Variants in CHAMP1 observed in about 807,000 individuals in gnomAD.
The protein encoded by CHAMP1 is chromosome alignment maintaining phosphoprotein 1.
CHAMP1 carries 4 observed loss-of-function variants against 54.5 expected under a neutral mutation model. The observed-to-expected ratio is 0.07, with a 90% CI of 0.04 to 0.17. The LOEUF is 0.17. Ranked by LOEUF, CHAMP1 falls within the 10% of genes least tolerant of loss-of-function variation. CHAMP1 has a pLI of 1.00. For missense variants in CHAMP1, 994 were observed against 968.6 expected (o/e 1.03, Z -0.35); for synonymous variants, 368 against 342.2 (o/e 1.08, Z -0.83).
rs1424987843 is a variant in CHAMP1, at chr13:114,326,441, T to C, written c.*160T>C. On this transcript the variant is annotated 3_prime_UTR_variant, in exon 3 of 3. Transcript: ENST00000361283. ...ACTAAGAATGAGCATTTGATCATTT[T>C]TTTCTGGTCTCTGTCTATGTGACTA... is the stretch of plus-strand genomic sequence containing the variant. 10 of 804,364 alleles carry C rather than the reference T, an allele frequency of 1.2e-5. No individual in the cohort carries two copies. The Admixed American group carries it at 3.6e-4, about 29-fold the overall frequency. 49.8% of individuals were successfully genotyped at this position (804,364 alleles called of 1,614,324 possible). A position where few individuals can be genotyped will look rare whatever the true frequency, so the allele number is the denominator to read the frequency against.
rs534083327 is a variant in CHAMP1 at position 114,319,951 on chromosome 13, CA to C, written c.-178-1158del. 8.5e-5 allele frequency among the ~76,000 whole-genome samples: 13 copies of C among 152,274 alleles called. No individual in the cohort carries two copies. In the East Asian group the frequency reaches 2.1e-3, roughly 25 times the overall value. ...CCAGACTGTGAAGAGCTTTATATGC[CA>C]TATTCAAATTGTATACTGTAGGTGT... is the stretch of plus-strand genomic sequence containing the variant. On this transcript the variant is annotated intron_variant, in intron 1 of 2. Transcript: ENST00000361283.
chr13:114,319,605 AAG>A (rs1045843088), intron 1 of CHAMP1, among the ~76,000 whole-genome samples: 2 of 152,236 alleles, frequency 1.3e-5, no homozygotes, highest in Non-Finnish European at 2.9e-5. Flanking sequence ...GCCAATAAAA[AAG>A]AGCGTTTACA....
intron 1 of CHAMP1, 127 bp from the exon 2 acceptor site, chr13:114,320,983 T>C (rs1438949549): frequency 6.7e-6 from 1 of 148,692 alleles, no homozygotes; most frequent in East Asian, 1.9e-4. Context: ...GCAGGCTTAG[T>C]GGACTGGACT....
Position 114,324,173 on chromosome 13 carries a change from C to T in CHAMP1, c.331C>T (p.Leu111Phe). The T allele has an allele frequency of 6.2e-7, 1 of 1,614,186 alleles. No homozygotes were observed. Among genetic ancestry groups the T allele is most frequent in the East Asian group, 2.2e-5 (1 of 44,894 alleles). ...KETDPVKSPPLPEHQKIPCNS... is the reference protein window; with the variant it reads ...KETDPVKSPPFPEHQKIPCNS... ...AACAGATCCTGTGAAAAGCCCTCCTCTTCCTGAACACCAGAAAATACCCTG... is the reference window on the plus strand; with the variant it reads ...AACAGATCCTGTGAAAAGCCCTCCTTTTCCTGAACACCAGAAAATACCCTG... The change falls in exon 3 of 3, where the codon CTT becomes TTT. Residue 111 changes from leucine to phenylalanine, a missense_variant. Physicochemically the swap from Leu to Phe is conservative, Grantham distance 22. Coordinates refer to ENST00000361283, the MANE Select transcript of CHAMP1 (RefSeq NM_032436.4).
intron 1 of CHAMP1, among the ~76,000 whole-genome samples, chr13:114,316,267 G>A (rs542379771): frequency 1.3e-5 from 2 of 149,706 alleles, no homozygotes; most frequent in South Asian, 2.1e-4. Context: ...GGATTTAAGC[G>A]ATTCTCCTGC....
chr13:114,315,256 A>T (rs1416620755), intron 1 of CHAMP1, among the ~76,000 whole-genome samples: 1 of 145,102 alleles, frequency 6.9e-6, no homozygotes, highest in Non-Finnish European at 1.5e-5. Context: ...GGTGGCTATT[A>T]AAAAAAAGGG....
chr13:114,324,217 A>G lies in CHAMP1; in HGVS notation c.375A>G (p.Lys125=). The change falls in exon 3 of 3, where the codon AAA becomes AAG. Residue 125 remains lysine, a synonymous_variant. Coordinates refer to ENST00000361283, the MANE Select transcript of CHAMP1 (RefSeq NM_032436.4). Reference sequence around the variant, plus strand: ...TACCCTGCAATTCAGCAGAACCAAAATCCATACCTGCCCTTTCAATGGAAA... The same window carrying G: ...TACCCTGCAATTCAGCAGAACCAAAGTCCATACCTGCCCTTTCAATGGAAA... ...QKIPCNSAEP[K]SIPALSMETQ... The G allele has an allele frequency of 6.2e-7, 1 of 1,614,064 alleles. No homozygotes were observed.
At chr13:114,319,222 T>C (rs919090204) in intron 1 of CHAMP1, among the ~76,000 whole-genome samples, 1 of 152,174 alleles carries the variant, frequency 6.6e-6, no homozygotes, top group African/African-American at 2.4e-5. Context: ...CAAGCTTGAG[T>C]TTCCTTAACT....
Position 114,325,842 on chromosome 13 carries a change from A to G in CHAMP1, c.2000A>G (p.Lys667Arg). Reference protein sequence around the residue: ...QVDVESIDFSKENKMDMTSPE... With the variant: ...QVDVESIDFSRENKMDMTSPE... The stretch of plus-strand genomic sequence containing the variant: ...GATGTGGAATCCATTGATTTTAGCA[A>G]AGAGAACAAAATGGACATGACTAGT... Residue 667 changes from lysine to arginine, a missense_variant, in exon 3 of 3, where the codon AAA (lysine) becomes AGA (arginine). Physicochemically the swap from Lys to Arg is conservative, Grantham distance 26 (BLOSUM62 2). Transcript: ENST00000361283. 1 of 1,614,186 alleles carries G rather than the reference A, an allele frequency of 6.2e-7. No individual in the cohort carries two copies. Among genetic ancestry groups the G allele is most frequent in the Non-Finnish European group, 8.5e-7 (1 of 1,180,020 alleles).
In CHAMP1 at chr13:114,325,471, A is replaced by G. The variant is rs566990403; in HGVS notation, c.1629A>G (p.Pro543=). The change falls in exon 3 of 3, where the codon CCA becomes CCG. Residue 543 remains proline (P), a synonymous_variant. Coordinates refer to ENST00000361283, the MANE Select transcript of CHAMP1 (RefSeq NM_032436.4). ...EPAKTAPPAS[P]EARKRALFPE... ...CCAAAACAGCCCCTCCTGCTTCTCCAGAAGCACGCAAACGTGCCCTTTTTC... is the reference window on the plus strand; with the variant it reads ...CCAAAACAGCCCCTCCTGCTTCTCCGGAAGCACGCAAACGTGCCCTTTTTC... 16 of 1,614,126 alleles carry G rather than the reference A, an allele frequency of 9.9e-6. No homozygotes were observed. The East Asian group carries it at 1.1e-4, about 11-fold the overall frequency.
At position 114,325,909 on chromosome 13, in the gene CHAMP1, A is replaced by G. The variant is rs549128164; in HGVS notation, c.2067A>G (p.Lys689=). The change falls in exon 3 of 3, where the codon AAA becomes AAG. Residue 689 remains lysine, a synonymous_variant. Coordinates refer to ENST00000361283, the MANE Select transcript of CHAMP1 (RefSeq NM_032436.4). ...ATGTGCTACAGTTTACTGAAGAAAA[A>G]GAAGCTTTTATCTCTGAAGAGGAGA... ...SRNVLQFTEE[K]EAFISEEEIA... 4.3e-6 allele frequency: 7 copies of G among 1,613,948 alleles called. No individual in the cohort carries two copies. In the South Asian group the frequency reaches 6.6e-5, roughly 15 times the overall value.
chr13:114,323,876 G>A lies in CHAMP1; in HGVS notation c.34G>A (p.Ala12Thr), dbSNP rs374161591. 6.2e-6 allele frequency: 10 copies of A among 1,609,410 alleles called. No homozygotes were observed. Among genetic ancestry groups the A allele is most frequent in the Non-Finnish European group, 8.5e-6 (10 of 1,176,602 alleles). ...EAFQELRKPSARLECDHCSFR... is the reference protein window; with the variant it reads ...EAFQELRKPSTRLECDHCSFR... ...ATTCCAGGAACTTCGTAAACCATCA[G>A]CACGTTTGGAGTGTGACCATTGCAG... Residue 12 changes from alanine (A) to threonine (T), a missense_variant, in exon 3 of 3, where the codon GCA becomes ACA. Ala to Thr is a moderately conservative substitution (Grantham distance 58). Transcript: ENST00000361283.
In CHAMP1 at chr13:114,314,507, A is replaced by T. The variant is rs11843254; in HGVS notation, c.-315A>T. ...CCCGCGGGAGCGCGCACGCTCGCGC[A>T]CCCGGATCCCGGCTCCTGCATCCAG... On this transcript the variant is annotated 5_prime_UTR_variant, in exon 1 of 3. Coordinates refer to ENST00000361283, the MANE Select transcript of CHAMP1 (RefSeq NM_032436.4). 2.1e-3 allele frequency: 314 copies of T among 151,778 alleles called. 2 individuals carry two copies. Among genetic ancestry groups the T allele is most frequent in the African/African-American group, 7.0e-3 (291 of 41,452 alleles). 9.4% of individuals were successfully genotyped at this position (151,778 alleles called of 1,614,324 possible).
intron 1 of CHAMP1, among the ~76,000 whole-genome samples, chr13:114,316,502 A>G (rs941265281): frequency 2.0e-5 from 3 of 151,346 alleles, no homozygotes; most frequent in African/African-American, 7.3e-5. Context: ...AGGCAGGAGA[A>G]TCGCTTGAAC....
At position 114,325,328 on chromosome 13, in the gene CHAMP1, A is replaced by C. The variant is rs782623150; in HGVS notation, c.1486A>C (p.Thr496Pro). The change falls in exon 3 of 3, where the codon ACC becomes CCC. Residue 496 changes from threonine (T) to proline (P), a missense_variant. Around this residue, in one of 3 missense-constraint regions of CHAMP1, gnomAD observed 851 missense variants for 701.3 expected, o/e 1.21. Transcript: ENST00000361283. ...IEPQKPVFPETRKPGPSGPSE... is the reference protein window; with the variant it reads ...IEPQKPVFPEPRKPGPSGPSE... ...GCCTCAGAAACCTGTCTTCCCTGAG[A>C]CCCGAAAACCAGGTCCTTCTGGGCC... is the stretch of plus-strand genomic sequence containing the variant. The C allele has an allele frequency of 1.2e-6, 2 of 1,614,036 alleles. No individual in the cohort carries two copies. Among genetic ancestry groups the C allele is most frequent in the Admixed American group, 3.3e-5 (2 of 59,996 alleles).
intron 1 of CHAMP1, among the ~76,000 whole-genome samples, chr13:114,320,236 A>G (rs1044967696): frequency 4.6e-5 from 7 of 152,192 alleles, no homozygotes; most frequent in Admixed American, 3.3e-4. Context: ...TCCTGTCAGC[A>G]GACTCACCCA....
In CHAMP1 at chr13:114,327,143, G is replaced by C. The variant is rs566575844; in HGVS notation, c.*862G>C. The C allele has an allele frequency of 6.0e-6, 1 of 166,966 alleles. No homozygotes were observed. The highest frequency in any genetic ancestry group is 1.5e-5 in the Non-Finnish European group (1 of 68,106). The allele number at this position is 166,966 out of a possible 1,614,324, so 10.3% of individuals were successfully genotyped here. A position where few individuals can be genotyped will look rare whatever the true frequency, so the allele number is the denominator to read the frequency against. On this transcript the variant is annotated 3_prime_UTR_variant, in exon 3 of 3. Transcript: ENST00000361283. ...AAGACCAGGTTGATAAGTAGGAACT[G>C]AAAGTCTTCCAGATTCACAGTAGAA...
chr13:114,322,269 A>AC (rs1379871926), intron 2 of CHAMP1: 2 of 151,982 alleles, frequency 1.3e-5, no homozygotes, highest in East Asian at 1.9e-4. Flanking sequence ...TGATCTCCCG[A>AC]CCTCGTGATC....
chr13:114,324,929 C>G lies in CHAMP1; in HGVS notation c.1087C>G (p.Pro363Ala). 1 of 1,614,154 alleles carries G rather than the reference C, an allele frequency of 6.2e-7. No individual in the cohort carries two copies. Among genetic ancestry groups the G allele is most frequent in the Non-Finnish European group, 8.5e-7 (1 of 1,180,024 alleles). The part of the protein sequence containing the change: ...SVSPGPWKPT[P>A]SVSSASWKSS... ...ATCTCCTGGACCTTGGAAACCAACT[C>G]CATCTGTGTCTTCTGCATCCTGGAA... is the stretch of plus-strand genomic sequence containing the variant. The change falls in exon 3 of 3, where the codon CCA becomes GCA. Residue 363 changes from proline to alanine, a missense_variant. Coordinates refer to ENST00000361283, the MANE Select transcript of CHAMP1 (RefSeq NM_032436.4).
Sources: gnomAD v4.1 joint callset for allele counts (sites outside exome capture counted in the v4.1 genomes callset) on GRCh38, gnomAD v4.1.1 for gene constraint, gnomAD v4.1.1 regional missense constraint, MANE v1.5 for transcripts, NCBI Gene and HGNC (gene_info 2026-07-23, HGNC 2026-07-21) for gene names.